TAFA4: variants seen among roughly 807,000 people sequenced by gnomAD.
TAFA4 encodes chemokine-like protein TAFA-4.
Under a neutral mutation model 21.1 loss-of-function variants are expected in TAFA4, and 20 were observed. That is an observed-to-expected ratio of 0.95 (90% CI 0.67 to 1.38). The LOEUF is 1.38. Ranked by LOEUF, TAFA4 falls within the 40% of genes most tolerant of loss-of-function variation. TAFA4 has a pLI of 0.00. For synonymous variants in TAFA4, 71 were observed against 67.4 expected (o/e 1.05, Z -0.26); for missense variants, 211 against 180.9 (o/e 1.17, Z -0.95).
At chr3:68,750,993 G>A (rs537812698) in intron 4 of TAFA4, among the ~76,000 whole-genome samples, 1 of 152,320 alleles carries the variant, frequency 6.6e-6, no homozygotes, top group South Asian at 2.1e-4. Context: ...TGGGATGAAT[G>A]TCATGAACTG....
rs145795015 is a variant in TAFA4 at position 68,743,182 on chromosome 3, T to G, written c.287-3983A>C. Among the ~76,000 whole-genome samples the G allele has an allele frequency of 1.7e-4, 26 of 152,318 alleles. No individual in the cohort carries two copies. The South Asian group carries it at 2.1e-3, about 12-fold the overall frequency. ...ACCACTTGTTATTTAAATCAGGCAT[T>G]GCCAACACCAAGAAAGGAATCTAGC... On this transcript the variant is annotated intron_variant, in intron 4 of 5. Coordinates refer to ENST00000295569, the MANE Select transcript of TAFA4 (RefSeq NM_182522.5).
At chr3:68,745,629 G>A (rs1299857846) in intron 4 of TAFA4, among the ~76,000 whole-genome samples, 1 of 152,162 alleles carries the variant, frequency 6.6e-6, no homozygotes, top group Non-Finnish European at 1.5e-5. Context: ...GTGATAATTA[G>A]CTGTTTTGCT....
intron 1 of TAFA4, among the ~76,000 whole-genome samples, chr3:68,893,100 A>G (rs908287300): frequency 6.6e-6 from 1 of 152,178 alleles, no homozygotes; most frequent in Non-Finnish European, 1.5e-5. Flanking sequence ...ACCAGTTTTT[A>G]ATTGGAAATT....
chr3:68,773,532 G>T (rs1332862878), intron 3 of TAFA4, among the ~76,000 whole-genome samples: 1 of 152,108 alleles, frequency 6.6e-6, no homozygotes, highest in African/African-American at 2.4e-5. Context: ...CTCTACCCAT[G>T]CAGACACTGG....
intron 3 of TAFA4, among the ~76,000 whole-genome samples, chr3:68,772,790 G>T (rs1702982359): frequency 6.6e-6 from 1 of 152,024 alleles, no homozygotes; most frequent in Non-Finnish European, 1.5e-5. Flanking sequence ...TCATTTCTTA[G>T]CCTCCATCAT....
At chr3:68,896,117 A>G (rs538236302) in intron 1 of TAFA4, among the ~76,000 whole-genome samples, 1 of 152,292 alleles carries the variant, frequency 6.6e-6, no homozygotes, top group East Asian at 1.9e-4. Context: ...GGAGTAAGCA[A>G]GGCAAAGAGA....
intron 3 of TAFA4, among the ~76,000 whole-genome samples, chr3:68,824,367 T>C (rs370096002): frequency 8.0e-4 from 122 of 152,322 alleles, no homozygotes; most frequent in African/African-American, 2.8e-3. Flanking sequence ...TCCCAGCTTC[T>C]GAAACAGGCT....
intron 1 of TAFA4, among the ~76,000 whole-genome samples, chr3:68,923,966 G>C (rs952878181): frequency 5.9e-5 from 9 of 152,188 alleles, no homozygotes; most frequent in African/African-American, 1.7e-4. Flanking sequence ...GGTGATGATT[G>C]ATTGTGTCTA....
chr3:68,740,563 G>A (rs560369594), intron 4 of TAFA4, among the ~76,000 whole-genome samples: 1 of 152,238 alleles, frequency 6.6e-6, no homozygotes, highest in Non-Finnish European at 1.5e-5. Context: ...CACTTGAGCA[G>A]GTAGGTTTCT....
At chr3:68,922,857 T>TC (rs1226097112) in intron 1 of TAFA4, among the ~76,000 whole-genome samples, 1 of 152,206 alleles carries the variant, frequency 6.6e-6, no homozygotes, top group East Asian at 1.9e-4. Flanking sequence ...TCATGACTTT[T>TC]CCCCTACTAC....
rs58872018 is a variant in TAFA4 at position 68,761,226 on chromosome 3, T to G, written c.131-8208A>C. Among the ~76,000 whole-genome samples the G allele has an allele frequency of 2.0e-5, 3 of 152,364 alleles. No individual in the cohort carries two copies. The South Asian group carries it at 6.2e-4, about 32-fold the overall frequency. On this transcript the variant is annotated intron_variant, in intron 3 of 5. Transcript: ENST00000295569. ...GAACACAGTGAACTACTTGAAACAC[T>G]GCAGATACTGAATAAATGCCTTTTG... is the stretch of plus-strand genomic sequence containing the variant.
Position 68,787,148 on chromosome 3 carries a change from A to G in TAFA4, c.131-34130T>C, listed in dbSNP as rs117120389. On this transcript the variant is annotated intron_variant, in intron 3 of 5. Transcript: ENST00000295569. ...TTGAGGCCAAGGTGATCCAAAGAGAAATATGTCCCCTCCATGCTGAGTGAA... is the reference window on the plus strand; with the variant it reads ...TTGAGGCCAAGGTGATCCAAAGAGAGATATGTCCCCTCCATGCTGAGTGAA... Among the ~76,000 whole-genome samples the G allele has an allele frequency of 6.6e-5, 10 of 152,334 alleles. No homozygotes were observed. The East Asian group carries it at 1.9e-3, about 29-fold the overall frequency.
intron 1 of TAFA4, among the ~76,000 whole-genome samples, chr3:68,901,388 A>G (rs2089842700): frequency 1.3e-5 from 2 of 152,050 alleles, no homozygotes; most frequent in African/African-American, 4.8e-5. Context: ...GAATTAGCCC[A>G]TTTCATAGAT....
At position 68,856,877 on chromosome 3, in the gene TAFA4, T is replaced by TCCAA. The variant is rs1705081722; in HGVS notation, c.130+23849_130+23852dup. On this transcript the variant is annotated intron_variant, in intron 3 of 5. Transcript: ENST00000295569. ...TGGAAGAAAATGGGTACACCTGGAATCCAAGCTCCACCATCTGCTGGCTGG... is the reference window on the plus strand; with the variant it reads ...TGGAAGAAAATGGGTACACCTGGAATCCAACCAAGCTCCACCATCTGCTGGCTGG... Among the ~76,000 whole-genome samples the TCCAA allele has an allele frequency of 2.6e-5, 4 of 152,138 alleles. No homozygotes were observed. In the South Asian group the frequency reaches 8.3e-4, roughly 32 times the overall value.
intron 1 of TAFA4, among the ~76,000 whole-genome samples, chr3:68,886,852 G>T (rs1449957928): frequency 6.6e-6 from 1 of 152,108 alleles, no homozygotes; most frequent in South Asian, 2.1e-4. Flanking sequence ...CAGTTCTAGG[G>T]GCTAGGAAGT....
At chr3:68,880,644 T>C in intron 3 of TAFA4, 86 bp downstream of exon 3, 1 of 1,075,750 alleles carries the variant, frequency 9.3e-7, no homozygotes, top group Non-Finnish European at 1.4e-6. Flanking sequence ...GAAGCTCACA[T>C]CAGTTATCTG....
chr3:68,841,503 A>C (rs1351810458), intron 3 of TAFA4, among the ~76,000 whole-genome samples: 2 of 152,014 alleles, frequency 1.3e-5, no homozygotes, highest in Non-Finnish European at 2.9e-5. Flanking sequence ...TACACAATTC[A>C]TACACTGTCA....
chr3:68,780,391 T>G (rs1013584139), intron 3 of TAFA4, among the ~76,000 whole-genome samples: 5 of 152,210 alleles, frequency 3.3e-5, no homozygotes, highest in Non-Finnish European at 7.3e-5. Context: ...TGATATAGTT[T>G]GGCTGTTTCC....
At chr3:68,878,434 C>T (rs935609321) in intron 3 of TAFA4, among the ~76,000 whole-genome samples, 1 of 152,136 alleles carries the variant, frequency 6.6e-6, no homozygotes, top group African/African-American at 2.4e-5. Flanking sequence ...AGGAAGATCC[C>T]TAAATCTTTA....
Sources: allele counts gnomAD v4.1 joint callset (sites outside exome capture counted in the v4.1 genomes callset), GRCh38; gene constraint gnomAD v4.1.1; transcripts MANE v1.5; gene names NCBI Gene and HGNC (gene_info 2026-07-23, HGNC 2026-07-21).